The following TLN2 variants were observed in gnomAD, a reference collection of about 807,000 sequenced individuals.
TLN2 encodes talin 2.
Under a neutral mutation model 294.7 loss-of-function variants are expected in TLN2, and 118 were observed. The ratio of observed to expected loss-of-function variants is 0.40; its 90% CI spans 0.34 to 0.47. TLN2 has a LOEUF of 0.47. TLN2 is among the 20% of genes least tolerant of loss of function. TLN2 has a pLI of 0.84. For synonymous variants in TLN2, 1,431 were observed against 1,304.5 expected, an observed-to-expected ratio of 1.10 and a Z score of -2.09; for missense variants, 3,083 against 3,282.2, an observed-to-expected ratio of 0.94 and a Z score of 1.48.
intron 3 of TLN2, among the ~76,000 whole-genome samples, chr15:62,621,392 CAG>C (rs1567205759): frequency 1.3e-5 from 2 of 152,126 alleles, no homozygotes; most frequent in Non-Finnish European, 2.9e-5. Flanking sequence ...AGTCGATACA[CAG>C]ATACTGAGAG....
chr15:62,447,494 CTTTT>C (rs555848983), intron 1 of TLN2, among the ~76,000 whole-genome samples: 2 of 131,658 alleles, frequency 1.5e-5, no homozygotes, highest in Non-Finnish European at 1.6e-5. Flanking sequence ...GTTAACTTTA[CTTTT>C]TTTTTTTTTT....
chr15:62,714,893 G>A (rs1309946024), intron 22 of TLN2, among the ~76,000 whole-genome samples: 4 of 152,196 alleles, frequency 2.6e-5, no homozygotes, highest in Admixed American at 6.5e-5. Flanking sequence ...AGTGTGAAGT[G>A]CAGAAGTGCT....
intron 37 of TLN2, among the ~76,000 whole-genome samples, chr15:62,759,033 C>T (rs1234183921): frequency 6.6e-6 from 1 of 152,176 alleles, no homozygotes; most frequent in Non-Finnish European, 1.5e-5. Context: ...GGAGCAGGCT[C>T]CGGGCTTGGG....
chr15:62,719,624 G>A (rs1366996179), intron 24 of TLN2, 143 bp from the exon 25 acceptor site: 5 of 567,560 alleles, frequency 8.8e-6, no homozygotes, highest in Admixed American at 3.4e-5. Context: ...CTGGCTTAAT[G>A]TGCAGTGTCT....
chr15:62,507,422 A>G (rs2039683406), intron 1 of TLN2, among the ~76,000 whole-genome samples: 1 of 152,184 alleles, frequency 6.6e-6, no homozygotes, highest in African/African-American at 2.4e-5. Context: ...AGGGATGTTT[A>G]TACAGTGAGT....
chr15:62,713,075 C>G (rs1357106860), intron 22 of TLN2, among the ~76,000 whole-genome samples: 3 of 151,804 alleles, frequency 2.0e-5, no homozygotes, highest in African/African-American at 7.3e-5. Context: ...CGAGACCAAC[C>G]TGGCCAACAT....
intron 11 of TLN2, chr15:62,682,801 T>G (rs2056951397): frequency 6.6e-6 from 1 of 152,074 alleles, no homozygotes; most frequent in African/African-American, 2.4e-5. Context: ...TTCCAGAAAA[T>G]CACGTGTAAC....
rs186754166 is a variant in TLN2, at chr15:62,595,293, G to A, written c.-162+5531G>A. On this transcript the variant is annotated intron_variant, in intron 2 of 58. Transcript: ENST00000636159. ...AAATTAACCAGACGTGGTGGTGGGC[G>A]CCTGTAATCCCAGCTACTTGGGAGG... Among the ~76,000 whole-genome samples the A allele has an allele frequency of 9.7e-4, 148 of 151,844 alleles. 1 individual carries two copies. Among genetic ancestry groups the A allele is most frequent in the African/African-American group, 3.3e-3 (137 of 41,458 alleles).
chr15:62,719,958 A>C, intron 25 of TLN2, 78 bp downstream of exon 25: 1 of 1,096,330 alleles, frequency 9.1e-7, no homozygotes, highest in Non-Finnish European at 1.3e-6. Context: ...AGAGGAGTTA[A>C]TGAATTCCAC....
chr15:62,720,768 TTC>T (rs1567452314), intron 25 of TLN2, among the ~76,000 whole-genome samples: 1 of 152,192 alleles, frequency 6.6e-6, no homozygotes, highest in Non-Finnish European at 1.5e-5. Context: ...TTGAATAATC[TTC>T]TGTTATATGA....
intron 29 of TLN2, 71 bp from the exon 30 acceptor site, chr15:62,738,143 C>G: frequency 6.4e-7 from 1 of 1,563,876 alleles, no homozygotes; most frequent in Non-Finnish European, 8.7e-7. Context: ...CTGCATGTTT[C>G]ACTGCCCATT....
intron 2 of TLN2, among the ~76,000 whole-genome samples, chr15:62,604,694 C>T (rs1360200323): frequency 7.3e-6 from 1 of 137,722 alleles, no homozygotes; most frequent in Non-Finnish European, 1.6e-5. Flanking sequence ...TCTTCGTCTT[C>T]TTTTTTTTTT....
chr15:62,827,329 G>C (rs2068309709), intron 54 of TLN2, among the ~76,000 whole-genome samples: 1 of 152,176 alleles, frequency 6.6e-6, no homozygotes, highest in African/African-American at 2.4e-5. Flanking sequence ...TAAGGATATT[G>C]AGGAGGAGGT....
Position 62,590,422 on chromosome 15 carries a change from G to A in TLN2, c.-162+660G>A, listed in dbSNP as rs551629494. On this transcript the variant is annotated intron_variant, in intron 2 of 58. Coordinates refer to ENST00000636159, the MANE Select transcript of TLN2 (RefSeq NM_015059.3). ...TATAAGTGAGAATATGTGGTATTTGGTTTTCTGTTCCTGTATTAGTTTACT... is the reference window on the plus strand; with the variant it reads ...TATAAGTGAGAATATGTGGTATTTGATTTTCTGTTCCTGTATTAGTTTACT... Among the ~76,000 whole-genome samples, 8 of 152,198 alleles carry A rather than the reference G, an allele frequency of 5.3e-5. No homozygotes were observed. In the East Asian group the frequency reaches 1.5e-3, roughly 29 times the overall value.
At chr15:62,563,315 T>C (rs2043135304) in intron 1 of TLN2, among the ~76,000 whole-genome samples, 2 of 152,196 alleles carry the variant, frequency 1.3e-5, no homozygotes, top group Admixed American at 1.3e-4. Flanking sequence ...GGTATTGCAT[T>C]GTGGTTTTGA....
chr15:62,410,965 C>T (rs1401512175), intron 1 of TLN2, among the ~76,000 whole-genome samples: 2 of 152,174 alleles, frequency 1.3e-5, no homozygotes, highest in Non-Finnish European at 2.9e-5. Flanking sequence ...AGGGTACATC[C>T]ATGTGCTTGC....
chr15:62,530,328 G>GTTTGTTTA (rs1166438028), intron 1 of TLN2, among the ~76,000 whole-genome samples: 2 of 151,270 alleles, frequency 1.3e-5, no homozygotes, highest in African/African-American at 4.8e-5. Flanking sequence ...TTGTTTGTTT[G>GTTTGTTTA]TTTATTTATT....
intron 54 of TLN2, among the ~76,000 whole-genome samples, chr15:62,822,816 A>G (rs560314428): frequency 1.3e-5 from 2 of 152,266 alleles, no homozygotes; most frequent in Non-Finnish European, 2.9e-5. Context: ...TTATGTACTT[A>G]TTATGATTAC....
intron 22 of TLN2, among the ~76,000 whole-genome samples, chr15:62,713,416 C>A (rs964741583): frequency 1.3e-5 from 2 of 152,030 alleles, no homozygotes; most frequent in East Asian, 3.9e-4. Flanking sequence ...TGGTGGCACA[C>A]GCCTGTAATC....
Sources: allele counts gnomAD v4.1 joint callset (sites outside exome capture counted in the v4.1 genomes callset), GRCh38; gene constraint gnomAD v4.1.1; transcripts MANE v1.5; gene names NCBI Gene and HGNC (gene_info 2026-07-23, HGNC 2026-07-21).